The following GALNT1 variants were observed in gnomAD, a reference collection of about 807,000 sequenced individuals.
GALNT1 encodes the protein GalNAc transferase 1.
GALNT1 carries 17 observed loss-of-function variants against 65.7 expected under a neutral mutation model. The observed-to-expected ratio is 0.26, with a 90% confidence interval of 0.18 to 0.39. The LOEUF is 0.39. Ranked by LOEUF, GALNT1 falls within the 10% of genes least tolerant of loss-of-function variation. GALNT1 has a pLI of 1.00. For synonymous variants in GALNT1, 210 were observed against 219.7 expected (o/e 0.96, Z 0.39); for missense variants, 460 against 672.8 (o/e 0.68, Z 3.50).
chr18:35,686,935 C>CACTT, intron 5 of GALNT1, 81 bp from the exon 6 acceptor site: 3 of 1,321,492 alleles, frequency 2.3e-6, no homozygotes, highest in Non-Finnish European at 3.1e-6. Context: ...AAAATAAAAA[C>CACTT]ACTTACTATA....
At chr18:35,652,274 T>C (rs1291018446) in intron 1 of GALNT1, among the ~76,000 whole-genome samples, 1 of 152,310 alleles carries the variant, frequency 6.6e-6, no homozygotes, top group East Asian at 1.9e-4. Flanking sequence ...AGCCAAACCC[T>C]GTGGACATTC....
chr18:35,616,328 C>G (rs895204585), intron 1 of GALNT1, among the ~76,000 whole-genome samples: 3 of 152,110 alleles, frequency 2.0e-5, no homozygotes, highest in Non-Finnish European at 2.9e-5. Flanking sequence ...TGTCAGTTTT[C>G]CTATCTGTAA....
chr18:35,677,542 A>G (rs1354237746), intron 3 of GALNT1, 49 bp from the exon 4 acceptor site: 1 of 1,492,622 alleles, frequency 6.7e-7, no homozygotes, highest in Non-Finnish European at 9.2e-7. Flanking sequence ...TTCCTTTATT[A>G]TGCAATCTTA....
chr18:35,600,676 T>A lies in GALNT1; in HGVS notation c.-104+18814T>A, dbSNP rs182248383. 6.0e-3 allele frequency among the ~76,000 whole-genome samples: 915 copies of A among 152,238 alleles called. 9 individuals are homozygous for A. The highest frequency in any genetic ancestry group is 0.021 in the African/African-American group (861 of 41,546). On this transcript the variant is annotated intron_variant, in intron 1 of 11. Transcript: ENST00000269195. Reference sequence around the variant, plus strand: ...TGGGTTTGTCACATATGGCCTTTATTTTTGCGGGGAGGGGTATGATCCTTC... The same window carrying A: ...TGGGTTTGTCACATATGGCCTTTATATTTGCGGGGAGGGGTATGATCCTTC...
intron 1 of GALNT1, among the ~76,000 whole-genome samples, chr18:35,595,703 T>G (rs549819780): frequency 0.015 from 2,349 of 151,840 alleles, 29 homozygotes; most frequent in African/African-American, 0.027. Flanking sequence ...ATAGTGGCAA[T>G]TTTTTTTTCT....
Position 35,591,094 on chromosome 18 carries a change from A to G in GALNT1, c.-104+9232A>G, listed in dbSNP as rs1355570494. On this transcript the variant is annotated intron_variant, in intron 1 of 11. Coordinates refer to ENST00000269195, the MANE Select transcript of GALNT1 (RefSeq NM_020474.4). ...GGGGATTGAGAAAGTAGAGGGAAGA[A>G]AAGGGTGGTTAATTTAGACTGAGAG... Among the ~76,000 whole-genome samples the G allele has an allele frequency of 2.0e-5, 3 of 152,184 alleles. No individual in the cohort carries two copies. The East Asian group carries it at 5.8e-4, about 29-fold the overall frequency.
intron 4 of GALNT1, among the ~76,000 whole-genome samples, chr18:35,680,086 C>A (rs183735768): frequency 6.6e-6 from 1 of 152,308 alleles, no homozygotes; most frequent in East Asian, 1.9e-4. Context: ...CCTGGCATCT[C>A]CAGTCACATC....
intron 11 of GALNT1, among the ~76,000 whole-genome samples, chr18:35,707,377 CTGAA>C (rs1240504978): frequency 6.6e-6 from 1 of 152,152 alleles, no homozygotes; most frequent in Non-Finnish European, 1.5e-5. Flanking sequence ...CCAGCTCTCT[CTGAA>C]TGGAGACTAG....
intron 3 of GALNT1, among the ~76,000 whole-genome samples, chr18:35,665,520 C>T (rs2047537288): frequency 6.6e-6 from 1 of 152,010 alleles, no homozygotes; most frequent in South Asian, 2.1e-4. Flanking sequence ...CTTTTTGGGA[C>T]AATAGATGAA....
At chr18:35,613,340 G>T (rs2046741822) in intron 1 of GALNT1, among the ~76,000 whole-genome samples, 1 of 150,624 alleles carries the variant, frequency 6.6e-6, no homozygotes, top group African/African-American at 2.4e-5. Flanking sequence ...TCTGTTTCTG[G>T]CAGCGTGGCA....
intron 1 of GALNT1, among the ~76,000 whole-genome samples, chr18:35,645,130 T>G (rs2047212865): frequency 6.6e-6 from 1 of 152,052 alleles, no homozygotes; most frequent in Non-Finnish European, 1.5e-5. Flanking sequence ...ATCTATTCAT[T>G]AGTTAGTTAT....
intron 1 of GALNT1, among the ~76,000 whole-genome samples, chr18:35,603,470 G>A (rs2046606965): frequency 6.6e-6 from 1 of 152,102 alleles, no homozygotes; most frequent in African/African-American, 2.4e-5. Context: ...GCAGAGGAGG[G>A]TAAAGCCAGA....
intron 1 of GALNT1, among the ~76,000 whole-genome samples, chr18:35,652,964 A>G (rs1292785930): frequency 3.3e-5 from 5 of 152,210 alleles, no homozygotes; most frequent in African/African-American, 1.2e-4. Context: ...CAGTGATCAA[A>G]AGAGGCAGCT....
At chr18:35,613,993 A>T (rs1170047182) in intron 1 of GALNT1, among the ~76,000 whole-genome samples, 1 of 152,194 alleles carries the variant, frequency 6.6e-6, no homozygotes, top group East Asian at 1.9e-4. Flanking sequence ...GAATTGACAC[A>T]GGTAAAGTTT....
rs568711951 is a variant in GALNT1 at position 35,630,129 on chromosome 18, CA to C, written c.-103-24430del. 6.4e-3 allele frequency among the ~76,000 whole-genome samples: 969 copies of C among 152,232 alleles called. 18 individuals are homozygous for C. Among genetic ancestry groups the C allele is most frequent in the African/African-American group, 0.022 (919 of 41,534 alleles). ...GGAGACTTTAACACCCCACTGTCAA[CA>C]TTAGACAGATCAATGAGACAGAAAG... On this transcript the variant is annotated intron_variant, in intron 1 of 11. Coordinates refer to ENST00000269195, the MANE Select transcript of GALNT1 (RefSeq NM_020474.4).
At chr18:35,585,589 A>G (rs1445495453) in intron 1 of GALNT1, among the ~76,000 whole-genome samples, 1 of 152,226 alleles carries the variant, frequency 6.6e-6, no homozygotes, top group Non-Finnish European at 1.5e-5. Context: ...TTTCATGGCC[A>G]CAAGATTTCC....
rs537160449 is a variant in GALNT1, at chr18:35,688,041, G to A, written c.860+855G>A. 2.6e-5 allele frequency among the ~76,000 whole-genome samples: 4 copies of A among 152,230 alleles called. No homozygotes were observed. The East Asian group carries it at 7.7e-4, about 29-fold the overall frequency. ...GGACTTTTCTTCTCTTTAGCTGTTA[G>A]TGCAATTCACTATCTAAATCAGGGG... On this transcript the variant is annotated intron_variant, in intron 6 of 11. Coordinates refer to ENST00000269195, the MANE Select transcript of GALNT1 (RefSeq NM_020474.4).
chr18:35,615,765 GA>G (rs1350252035), intron 1 of GALNT1, among the ~76,000 whole-genome samples: 2 of 152,178 alleles, frequency 1.3e-5, no homozygotes, highest in African/African-American at 4.8e-5. Flanking sequence ...TTTCTTAGGA[GA>G]AAAATGAATA....
chr18:35,683,522 A>T lies in GALNT1; in HGVS notation c.613A>T (p.Ile205Phe), dbSNP rs2047817630. Residue 205 changes from isoleucine (I) to phenylalanine (F), a missense_variant, in exon 5 of 12, where the codon ATC becomes TTC. By Grantham distance (21) the Ile-to-Phe change is conservative. Transcript: ENST00000269195. Reference sequence around the variant, plus strand: ...AGCTGCTGTGTCTAAAGGCCAAGTGATCACCTTCCTGGATGCCCATTGTGA... The same window carrying T: ...AGCTGCTGTGTCTAAAGGCCAAGTGTTCACCTTCCTGGATGCCCATTGTGA... ...KGAAVSKGQVITFLDAHCECT... is the reference protein window; with the variant it reads ...KGAAVSKGQVFTFLDAHCECT... The T allele has an allele frequency of 3.7e-6, 6 of 1,613,736 alleles. No homozygotes were observed. In the South Asian group the frequency reaches 6.6e-5, roughly 18 times the overall value.
Sources: gnomAD v4.1 joint callset for allele counts (sites outside exome capture counted in the v4.1 genomes callset) on GRCh38, gnomAD v4.1.1 for gene constraint, MANE v1.5 for transcripts, NCBI Gene and HGNC (gene_info 2026-07-23, HGNC 2026-07-21) for gene names.